MARCHF1: variants seen among roughly 807,000 people sequenced by gnomAD.
The protein encoded by MARCHF1 is E3 ubiquitin-protein ligase MARCHF1.
MARCHF1 carries 40 observed loss-of-function variants against 54.2 expected under a neutral mutation model. The observed-to-expected ratio is 0.74, with a 90% CI of 0.57 to 0.96. The LOEUF (loss-of-function observed/expected upper bound fraction) is 0.96. MARCHF1 is among the 40% of genes least tolerant of loss of function. MARCHF1 has a pLI of 0.00. For missense variants in MARCHF1, 586 were observed against 656.5 expected, an observed-to-expected ratio of 0.89 and a Z score of 1.17; for synonymous variants, 236 against 236.3, an observed-to-expected ratio of 1.00 and a Z score of 0.01.
chr4:163,713,221 C>A (rs767484387), intron 4 of MARCHF1, among the ~76,000 whole-genome samples: 1 of 151,956 alleles, frequency 6.6e-6, no homozygotes, highest in African/African-American at 2.4e-5. Flanking sequence ...GGCCACTTTC[C>A]GGCCTATAGA....
At chr4:164,178,566 C>G (rs1016393684) in intron 1 of MARCHF1, among the ~76,000 whole-genome samples, 5 of 152,138 alleles carry the variant, frequency 3.3e-5, no homozygotes, top group Non-Finnish European at 5.9e-5. Context: ...ATAATTGGGT[C>G]TGTACTTTCC....
chr4:164,166,653 T>A (rs909104401), intron 1 of MARCHF1, among the ~76,000 whole-genome samples: 2 of 151,780 alleles, frequency 1.3e-5, no homozygotes, highest in African/African-American at 4.8e-5. Flanking sequence ...GCAGGAGCAA[T>A]CAGACAAGAA....
chr4:163,588,536 T>C (rs1727305841), intron 7 of MARCHF1, among the ~76,000 whole-genome samples: 1 of 152,206 alleles, frequency 6.6e-6, no homozygotes, highest in African/African-American at 2.4e-5. Context: ...TAATAAATTA[T>C]AGACAATAAG....
chr4:163,674,457 G>A (rs1178557898), intron 5 of MARCHF1, among the ~76,000 whole-genome samples: 1 of 152,200 alleles, frequency 6.6e-6, no homozygotes, highest in African/African-American at 2.4e-5. Flanking sequence ...TGGGCCATTA[G>A]ATTAGTATCA....
At chr4:164,231,245 A>G (rs1170384435) in intron 1 of MARCHF1, among the ~76,000 whole-genome samples, 1 of 152,190 alleles carries the variant, frequency 6.6e-6, no homozygotes, top group Non-Finnish European at 1.5e-5. Flanking sequence ...GAGGTGAAAT[A>G]AAAGTACATG....
intron 1 of MARCHF1, among the ~76,000 whole-genome samples, chr4:164,357,974 A>G (rs1166914082): frequency 6.6e-6 from 1 of 152,212 alleles, no homozygotes; most frequent in Non-Finnish European, 1.5e-5. Context: ...ATCAGGTGAC[A>G]GATGACAAGG....
intron 3 of MARCHF1, among the ~76,000 whole-genome samples, chr4:163,859,395 T>C (rs1247532270): frequency 1.3e-5 from 2 of 150,358 alleles, no homozygotes; most frequent in African/African-American, 4.9e-5. Context: ...AATGGAGTTC[T>C]CGTTCCCCAG....
At chr4:164,136,644 C>G in intron 1 of MARCHF1, among the ~76,000 whole-genome samples, 1 of 152,268 alleles carries the variant, frequency 6.6e-6, no homozygotes, top group East Asian at 1.9e-4. Context: ...CTGCTTGGGA[C>G]GCCTCAACCA....
At chr4:164,004,646 T>G (rs1156729370) in intron 2 of MARCHF1, among the ~76,000 whole-genome samples, 1 of 152,060 alleles carries the variant, frequency 6.6e-6, no homozygotes, top group Non-Finnish European at 1.5e-5. Context: ...ATGTATATAT[T>G]TTCTGGTCAT....
intron 5 of MARCHF1, among the ~76,000 whole-genome samples, chr4:163,674,227 A>G (rs1743828923): frequency 6.6e-6 from 1 of 152,242 alleles, no homozygotes; most frequent in Non-Finnish European, 1.5e-5. Context: ...AAAAATGTGT[A>G]CAATGTATGT....
chr4:163,870,637 G>C (rs1238525417), intron 3 of MARCHF1, among the ~76,000 whole-genome samples: 3 of 152,032 alleles, frequency 2.0e-5, no homozygotes, highest in Admixed American at 2.0e-4. Context: ...TTGTAGCTTA[G>C]AGAAAGATTA....
intron 3 of MARCHF1, among the ~76,000 whole-genome samples, chr4:163,961,656 G>T (rs945505161): frequency 6.6e-6 from 1 of 151,852 alleles, no homozygotes; most frequent in South Asian, 2.1e-4. Flanking sequence ...TGGTTGACAG[G>T]CTTGCTTATT....
At chr4:163,541,624 A>AT (rs1195183484) in intron 9 of MARCHF1, among the ~76,000 whole-genome samples, 5 of 152,010 alleles carry the variant, frequency 3.3e-5, no homozygotes, top group Non-Finnish European at 5.9e-5. Flanking sequence ...CATATGAGGA[A>AT]TTTTTTTTCT....
At chr4:163,871,174 A>T (rs190188077) in intron 3 of MARCHF1, among the ~76,000 whole-genome samples, 6 of 152,280 alleles carry the variant, frequency 3.9e-5, no homozygotes, top group Non-Finnish European at 4.4e-5. Context: ...CTAGAAACCA[A>T]GCAAAGTAGT....
At chr4:164,312,319 CTTT>C (rs34613860) in intron 1 of MARCHF1, among the ~76,000 whole-genome samples, 48 of 103,428 alleles carry the variant, frequency 4.6e-4, no homozygotes, top group Admixed American at 2.3e-3. Context: ...TTTTCTTTTT[CTTT>C]TTTTTTTTTT....
At chr4:164,142,162 G>T (rs577499005) in intron 1 of MARCHF1, among the ~76,000 whole-genome samples, 4 of 152,328 alleles carry the variant, frequency 2.6e-5, no homozygotes, top group South Asian at 4.1e-4. Flanking sequence ...ACCTGCCTCG[G>T]AGGGTCCTAT....
At chr4:164,047,612 T>C (rs538675189) in intron 2 of MARCHF1, among the ~76,000 whole-genome samples, 5 of 152,360 alleles carry the variant, frequency 3.3e-5, no homozygotes, top group Admixed American at 6.5e-5. Context: ...ATCTAATGTC[T>C]TCTCATTTTT....
chr4:164,142,072 G>A (rs569769206), intron 1 of MARCHF1, among the ~76,000 whole-genome samples: 15 of 152,304 alleles, frequency 9.8e-5, no homozygotes, highest in Admixed American at 2.6e-4. Flanking sequence ...ACGGCACCTG[G>A]AAAATCGTGT....
intron 1 of MARCHF1, among the ~76,000 whole-genome samples, chr4:164,208,730 A>G (rs1232403055): frequency 6.6e-6 from 1 of 152,158 alleles, no homozygotes; most frequent in Non-Finnish European, 1.5e-5. Context: ...GAAATTGGTT[A>G]AGCTCTGGAG....
Sources: gnomAD v4.1 joint callset for allele counts (sites outside exome capture counted in the v4.1 genomes callset) on GRCh38, gnomAD v4.1.1 for gene constraint, MANE v1.5 for transcripts, NCBI Gene and HGNC (gene_info 2026-07-23, HGNC 2026-07-21) for gene names.